NIBAN3: variants seen among roughly 807,000 people sequenced by gnomAD.
NIBAN3 encodes the protein niban apoptosis regulator 3.
Under a neutral mutation model 76.4 loss-of-function variants are expected in NIBAN3, and 66 were observed. The ratio of observed to expected loss-of-function variants is 0.86; its 90% CI spans 0.71 to 1.06. NIBAN3 has a LOEUF of 1.06. NIBAN3 is among the 50% of genes least tolerant of loss of function. NIBAN3 has a pLI of 0.00. For missense variants in NIBAN3, 808 were observed against 810.7 expected, an observed-to-expected ratio of 1.00 and a Z score of 0.04; for synonymous variants, 360 against 355.2, an observed-to-expected ratio of 1.01 and a Z score of -0.15.
rs778034933 is a variant in NIBAN3, at chr19:17,538,680, A to AAAAG, written c.596-465_596-462dup. 5.2e-3 allele frequency among the ~76,000 whole-genome samples: 705 copies of AAAAG among 135,766 alleles called. 4 individuals are homozygous for AAAAG. The highest frequency in any genetic ancestry group is 0.017 in the African/African-American group (666 of 38,372). 89.1% of individuals were successfully genotyped at this position (135,766 alleles called of 152,430 possible). A position where few individuals can be genotyped will look rare whatever the true frequency, so the allele number is the denominator to read the frequency against. ...GAGAACAGAAGAAAGAAAAGAAGGA[A>AAAAG]AAAGAAAGGAAAGAAAAAGAAAAGA... On this transcript the variant is annotated intron_variant, in intron 5 of 14. Coordinates refer to ENST00000599164, the MANE Select transcript of NIBAN3 (RefSeq NM_001321827.2).
chr19:17,529,247 G>A (rs2075667839), intron 1 of NIBAN3, among the ~76,000 whole-genome samples: 1 of 152,128 alleles, frequency 6.6e-6, no homozygotes, highest in African/African-American at 2.4e-5. Flanking sequence ...ACTCTATGTA[G>A]CACTGGGATT....
At position 17,540,555 on chromosome 19, in the gene NIBAN3, C is replaced by T. The variant is rs771329604; in HGVS notation, c.1143C>T (p.Ser381=). Reference sequence around the variant, plus strand: ...GACTGTCCCACCGCCTGCGCCAGAGCCCCTCAGGCACGCGGCTGCGCAGGG... The same window carrying T: ...GACTGTCCCACCGCCTGCGCCAGAGTCCCTCAGGCACGCGGCTGCGCAGGG... ...MDRLSHRLRQ[S]PSGTRLRREV... is the part of the protein sequence containing the mutation. The change falls in exon 9 of 15, where the codon AGC becomes AGT. Residue 381 remains serine (S), a synonymous_variant. Coordinates refer to ENST00000599164, the MANE Select transcript of NIBAN3 (RefSeq NM_001321827.2). 1.3e-6 allele frequency: 2 copies of T among 1,549,948 alleles called. No homozygotes were observed. The highest frequency in any genetic ancestry group is 1.2e-5 in the South Asian group (1 of 83,952).
intron 4 of NIBAN3, among the ~76,000 whole-genome samples, chr19:17,534,702 A>C (rs1309871173): frequency 4.0e-5 from 6 of 151,506 alleles, no homozygotes; most frequent in Non-Finnish European, 8.8e-5. Flanking sequence ...GAGGCAGGAG[A>C]ATGGCGTGAA....
At chr19:17,533,738 A>G in intron 4 of NIBAN3, 37 bp downstream of exon 4, 1 of 1,468,190 alleles carries the variant, frequency 6.8e-7, no homozygotes, top group Non-Finnish European at 9.5e-7. Flanking sequence ...AGGTTTCTCC[A>G]CCCCAGCATC....
chr19:17,551,533 G>A (rs769711296), intron 14 of NIBAN3, among the ~76,000 whole-genome samples: 3 of 149,356 alleles, frequency 2.0e-5, no homozygotes, highest in African/African-American at 4.9e-5. Flanking sequence ...TCAGCCTCCC[G>A]AGTAGCTGGG....
chr19:17,537,559 G>A lies in NIBAN3; in HGVS notation c.595+16G>A. 2 of 1,561,094 alleles carry A rather than the reference G, an allele frequency of 1.3e-6. No homozygotes were observed. The highest frequency in any genetic ancestry group is 8.6e-7 in the Non-Finnish European group (1 of 1,157,766). ...CAGGGCATAGGTGGGTCTCAGGACG[G>A]GTCAGACATTTGTGGGGCTAATGGT... On this transcript the variant is annotated intron_variant, in intron 5 of 14. Transcript: ENST00000599164.
chr19:17,532,436 AC>A lies in NIBAN3; in HGVS notation c.312+53del, dbSNP rs367666443. 4.5e-4 allele frequency: 732 copies of A among 1,613,022 alleles called. 8 individuals are homozygous for A. In the East Asian group the frequency reaches 9.5e-3, roughly 21 times the overall value. On this transcript the variant is annotated intron_variant, in intron 3 of 14. Coordinates refer to ENST00000599164, the MANE Select transcript of NIBAN3 (RefSeq NM_001321827.2). ...TTCTACTTCTGGGTCCCTCCTTCCC[AC>A]CCCCGTCAGCCTCAAGGTTTGTGGG...
At chr19:17,533,529 G>A (rs2075769879) in intron 3 of NIBAN3, 58 bp from the exon 4 acceptor site, 1 of 1,203,206 alleles carries the variant, frequency 8.3e-7, no homozygotes. Context: ...GTATAGTTGG[G>A]ACACAGAAGC....
upstream of NIBAN3, among the ~76,000 whole-genome samples, chr19:17,526,027 C>T (rs1413846901): frequency 6.6e-6 from 1 of 151,998 alleles, no homozygotes; most frequent in East Asian, 1.9e-4. Flanking sequence ...GCACTCCAGC[C>T]TGGGCAACAG....
Position 17,533,991 on chromosome 19 carries a change from T to G in NIBAN3, c.427+290T>G, listed in dbSNP as rs562644743. ...AAACAAACACCCACTCTTGCAAGGG[T>G]GAGGGGGAGAGTTAGGTCATGGGAC... On this transcript the variant is annotated intron_variant, in intron 4 of 14. Transcript: ENST00000599164. Among the ~76,000 whole-genome samples, 60 of 151,540 alleles carry G rather than the reference T, an allele frequency of 4.0e-4. 1 individual carries two copies. Among genetic ancestry groups the G allele is most frequent in the African/African-American group, 1.4e-3 (56 of 41,306 alleles).
At chr19:17,548,262 G>A (rs546411447) in intron 13 of NIBAN3, among the ~76,000 whole-genome samples, 8 of 152,320 alleles carry the variant, frequency 5.3e-5, no homozygotes, top group African/African-American at 1.9e-4. Context: ...GCACGGAGCG[G>A]GAGGCTGGAG....
At position 17,542,731 on chromosome 19, in the gene NIBAN3, C is replaced by A. The variant is rs867861836; in HGVS notation, c.1329+437C>A. ...GTGGGGCTAAGGGGTGAGCTCTTTC[C>A]TGAGGGCAATGGGGAGCCAGAGCAG... On this transcript the variant is annotated intron_variant, in intron 10 of 14. Transcript: ENST00000599164. This position sits in a 1 kb window ranked among gnomAD's most constrained non-coding sequence, Gnocchi z 4.8. Among the ~76,000 whole-genome samples the A allele has an allele frequency of 1.3e-5, 2 of 152,128 alleles. No individual in the cohort carries two copies. Among genetic ancestry groups the A allele is most frequent in the Admixed American group, 6.5e-5 (1 of 15,274 alleles).
At chr19:17,534,502 A>T (rs2075788219) in intron 4 of NIBAN3, among the ~76,000 whole-genome samples, 1 of 152,024 alleles carries the variant, frequency 6.6e-6, no homozygotes, top group Non-Finnish European at 1.5e-5. Flanking sequence ...CTAAAAATAC[A>T]AAAGGTAGGC....
intron 2 of NIBAN3, among the ~76,000 whole-genome samples, chr19:17,531,369 AC>A: frequency 7.0e-6 from 1 of 142,644 alleles, no homozygotes; most frequent in East Asian, 2.1e-4. Context: ...ACACACACAC[AC>A]ACAACCATTC....
intron 1 of NIBAN3, among the ~76,000 whole-genome samples, chr19:17,530,283 C>T (rs574313674): frequency 4.7e-5 from 7 of 150,472 alleles, no homozygotes; most frequent in African/African-American, 7.3e-5. Flanking sequence ...ATCGTGCCAG[C>T]GCACTCCAGC....
upstream of NIBAN3, chr19:17,523,424 G>C (rs2075575944): frequency 1.7e-5 from 26 of 1,560,410 alleles, no homozygotes; most frequent in Non-Finnish European, 2.3e-5. Context: ...TCAGATGTGA[G>C]AGTGAGGAAG....
chr19:17,554,602 T>C (rs957192127), downstream of NIBAN3, among the ~76,000 whole-genome samples: 4 of 150,246 alleles, frequency 2.7e-5, no homozygotes, highest in Non-Finnish European at 4.4e-5. Context: ...GCCAATATGG[T>C]GAAACCCCAT....
intron 3 of NIBAN3, 159 bp from the exon 4 acceptor site, chr19:17,533,428 A>C: frequency 1.9e-6 from 1 of 537,930 alleles, no homozygotes; most frequent in East Asian, 3.1e-5. Context: ...AAAAAAAAAA[A>C]AAGAGAGAGG....
intron 8 of NIBAN3, 29 bp downstream of exon 8, chr19:17,539,794 G>C: frequency 6.8e-7 from 1 of 1,477,142 alleles, no homozygotes; most frequent in Non-Finnish European, 9.1e-7. Context: ...GCCTGGGCTG[G>C]GAGGGGCGAG....
Sources: allele counts gnomAD v4.1 joint callset (sites outside exome capture counted in the v4.1 genomes callset), GRCh38; gene constraint gnomAD v4.1.1; non-coding constraint Gnocchi (gnomAD v3.1); transcripts MANE v1.5; gene names NCBI Gene and HGNC (gene_info 2026-07-23, HGNC 2026-07-21).